The following SCN10A variants were observed in gnomAD, a reference collection of about 807,000 sequenced individuals.
SCN10A encodes sodium voltage-gated channel alpha subunit 10, also known as sodium channel protein type 10 subunit alpha.
In SCN10A, 162 loss-of-function variants were observed where a neutral mutation model predicts 170.7. That is an observed-to-expected ratio of 0.95 (90% CI 0.84 to 1.08). The LOEUF (loss-of-function observed/expected upper bound fraction) is 1.08, where lower values mean the gene tolerates loss of function less well. Among genes scored for constraint, SCN10A ranks in the 50% least tolerant of loss-of-function variants. The probability of loss-of-function intolerance (pLI) is 0.00; values close to 1 mark genes in which losing one functional copy is unlikely to be tolerated. For synonymous variants in SCN10A, 985 were observed against 904.6 expected, an observed-to-expected ratio of 1.09 and a Z score of -1.59; for missense variants, 2,527 against 2,436.9, an observed-to-expected ratio of 1.04 and a Z score of -0.78.
chr3:38,805,489 T>G (rs181666752), intron 1 of SCN10A, among the ~76,000 whole-genome samples: 19 of 152,252 alleles, frequency 1.2e-4, no homozygotes, highest in Admixed American at 1.1e-3. Flanking sequence ...TTAAGAAGAT[T>G]GTCTCCAAGA....
chr3:38,782,770 T>C (rs2064154103), intron 4 of SCN10A, among the ~76,000 whole-genome samples: 1 of 152,138 alleles, frequency 6.6e-6, no homozygotes, highest in African/African-American at 2.4e-5. Flanking sequence ...TTTGCAATGG[T>C]CATTTATTTT....
At position 38,793,848 on chromosome 3, in the gene SCN10A, G is replaced by T. The variant is rs763817509; in HGVS notation, c.163C>A (p.Leu55Met). 3.1e-6 allele frequency: 5 copies of T among 1,614,052 alleles called. No homozygotes were observed. The highest frequency in any genetic ancestry group is 2.2e-5 in the South Asian group (2 of 91,084). ...KDQEEKPRPQ[L>M]DLKACNQLPK... is the part of the protein sequence containing the mutation. The stretch of plus-strand genomic sequence containing the variant: ...AGCTGGTTGCAGGCTTTCAAGTCCA[G>T]CTGGGGCCGAGGCTTCTCTTCTTGG... The change falls in exon 2 of 28, where the codon CTG becomes ATG. Residue 55 changes from leucine (L) to methionine (M), a missense_variant. Coordinates refer to ENST00000449082, the MANE Select transcript of SCN10A (RefSeq NM_006514.4).
At chr3:38,717,125 G>A (rs1474851149) in intron 21 of SCN10A, among the ~76,000 whole-genome samples, 1 of 152,174 alleles carries the variant, frequency 6.6e-6, no homozygotes, top group African/African-American at 2.4e-5. Context: ...ATGATGAATA[G>A]ATGGAAGGAA....
rs139861061 is a variant in SCN10A at position 38,728,741 on chromosome 3, C to T, written c.2441G>A (p.Arg814His). 771 of 1,614,142 alleles carry T rather than the reference C, an allele frequency of 4.8e-4. 1 individual carries two copies. Among genetic ancestry groups the T allele is most frequent in the Non-Finnish European group, 5.8e-4 (687 of 1,180,030 alleles). ...VGKQLLGENY[R>H]NNRKNISAPH... ...CGCGGAGATATTTTTTCGGTTGTTA[C>T]GGTAGTTTTCCCCTAGGAGCTGCTT... is the stretch of plus-strand genomic sequence containing the variant. The change falls in exon 16 of 28, where the codon CGT becomes CAT. Residue 814 changes from arginine (R) to histidine (H), a missense_variant. Coordinates refer to ENST00000449082, the MANE Select transcript of SCN10A (RefSeq NM_006514.4).
At position 38,792,271 on chromosome 3, in the gene SCN10A, A is replaced by G. The variant is rs532080737; in HGVS notation, c.271-103T>C. Reference sequence around the variant, plus strand: ...AGGCATTATCTCAGGCTTATGAGCAAGAAGGGCTCTGGGAACTACAGGTCA... The same window carrying G: ...AGGCATTATCTCAGGCTTATGAGCAGGAAGGGCTCTGGGAACTACAGGTCA... On this transcript the variant is annotated intron_variant, in intron 2 of 27. Transcript: ENST00000449082. 2.5e-4 allele frequency: 367 copies of G among 1,444,496 alleles called. 1 individual carries two copies. Among genetic ancestry groups the G allele is most frequent in the Middle Eastern group, 2.4e-3 (13 of 5,482 alleles). The allele number at this position is 1,444,496 out of a possible 1,614,324, so 89.5% of individuals were successfully genotyped here.
chr3:38,797,226 GT>G (rs1435544058), intron 1 of SCN10A, among the ~76,000 whole-genome samples: 3 of 152,068 alleles, frequency 2.0e-5, no homozygotes, highest in Non-Finnish European at 4.4e-5. Context: ...CAATACCTCT[GT>G]GATATAGACA....
chr3:38,708,382 T>G (rs2063233735), intron 25 of SCN10A, among the ~76,000 whole-genome samples: 2 of 152,118 alleles, frequency 1.3e-5, no homozygotes, highest in Admixed American at 1.3e-4. Flanking sequence ...TTGACCTCAG[T>G]TTTCTCATCT....
At position 38,697,064 on chromosome 3, in the gene SCN10A, A is replaced by G. The variant is rs2063096291; in HGVS notation, c.*285T>C. 2 of 434,712 alleles carry G rather than the reference A, an allele frequency of 4.6e-6. No individual in the cohort carries two copies. Among genetic ancestry groups the G allele is most frequent in the East Asian group, 8.4e-5 (2 of 23,856 alleles). 26.9% of individuals were successfully genotyped at this position (434,712 alleles called of 1,614,324 possible). A position where few individuals can be genotyped will look rare whatever the true frequency, so the allele number is the denominator to read the frequency against. ...TAAATATAATCTGATTACAACAAAA[A>G]TAAAAGGACAAGGGATATTTTCTGG... On this transcript the variant is annotated 3_prime_UTR_variant, in exon 28 of 28. Coordinates refer to ENST00000449082, the MANE Select transcript of SCN10A (RefSeq NM_006514.4).
At chr3:38,802,920 C>A (rs1251967147) in intron 1 of SCN10A, among the ~76,000 whole-genome samples, 2 of 152,194 alleles carry the variant, frequency 1.3e-5, no homozygotes, top group South Asian at 2.1e-4. Context: ...GGCTAATATC[C>A]AGAATCTACA....
At chr3:38,698,682 G>T in intron 27 of SCN10A, 120 bp from the exon 28 acceptor site, 1 of 912,902 alleles carries the variant, frequency 1.1e-6, no homozygotes, top group African/African-American at 1.7e-5. Context: ...CCACATTTGA[G>T]GACTCTGGGC....
At chr3:38,739,462 C>A in intron 15 of SCN10A, 53 bp downstream of exon 15, 1 of 1,543,492 alleles carries the variant, frequency 6.5e-7, no homozygotes, top group Non-Finnish European at 8.9e-7. Context: ...AGCACAGTGT[C>A]TTCCCTGAAT....
intron 1 of SCN10A, among the ~76,000 whole-genome samples, chr3:38,803,888 C>T (rs1401986965): frequency 6.6e-6 from 1 of 152,140 alleles, no homozygotes; most frequent in African/African-American, 2.4e-5. Flanking sequence ...TGAAGTATAG[C>T]TGTCTAATTC....
intron 14 of SCN10A, among the ~76,000 whole-genome samples, chr3:38,741,821 A>T (rs2063635701): frequency 6.6e-6 from 1 of 151,866 alleles, no homozygotes; most frequent in African/African-American, 2.4e-5. Flanking sequence ...TCCCTCCCCA[A>T]CTCTTTTTCT....
intron 1 of SCN10A, among the ~76,000 whole-genome samples, chr3:38,801,988 A>T (rs966686186): frequency 1.3e-5 from 2 of 152,120 alleles, no homozygotes; most frequent in African/African-American, 4.8e-5. Flanking sequence ...ATTGTCTTCC[A>T]TGATCTCATC....
intron 1 of SCN10A, among the ~76,000 whole-genome samples, chr3:38,800,305 A>T (rs2064363648): frequency 6.6e-6 from 1 of 152,192 alleles, no homozygotes; most frequent in Admixed American, 6.5e-5. Context: ...ACAGGGGAGA[A>T]TTGGACTAAG....
chr3:38,726,954 G>A lies in SCN10A; in HGVS notation c.2739C>T (p.Ala913=), dbSNP rs2063463582. ...DDGEVNNLQV[A]LARIQVFGHR... The stretch of plus-strand genomic sequence containing the variant: ...GGCCAAAGACCTGGATCCGTGCCAG[G>A]GCCACCTGCAGGTTGTTCACCTCCC... The change falls in exon 17 of 28, where the codon GCC becomes GCT. Residue 913 remains alanine (A), a synonymous_variant. Transcript: ENST00000449082. 3.1e-6 allele frequency: 5 copies of A among 1,614,242 alleles called. No homozygotes were observed. Among genetic ancestry groups the A allele is most frequent in the Non-Finnish European group, 4.2e-6 (5 of 1,180,032 alleles).
Position 38,697,855 on chromosome 3 carries a change from C to T in SCN10A, c.5365G>A (p.Asp1789Asn), listed in dbSNP as rs375735101. Reference sequence around the variant, plus strand: ...TTATCTCCAGGGACCAAAGGCAGGTCCATCTGGATCAGTATATTTCGATTG... The same window carrying T: ...TTATCTCCAGGGACCAAAGGCAGGTTCATCTGGATCAGTATATTTCGATTG... ...KPNRNILIQMDLPLVPGDKIH... is the reference protein window; with the variant it reads ...KPNRNILIQMNLPLVPGDKIH... Residue 1789 changes from aspartate (D) to asparagine (N), a missense_variant, in exon 28 of 28, where the codon GAC (aspartate) becomes AAC (asparagine). Physicochemically the swap from Asp to Asn is conservative, Grantham distance 23. Coordinates refer to ENST00000449082, the MANE Select transcript of SCN10A (RefSeq NM_006514.4). The T allele has an allele frequency of 2.0e-5, 33 of 1,614,104 alleles. No homozygotes were observed. The African/African-American group carries it at 3.7e-4, about 18-fold the overall frequency.
At position 38,712,391 on chromosome 3, in the gene SCN10A, C is replaced by A. The variant is rs145032037; in HGVS notation, c.3859G>T (p.Val1287Phe). 8 of 1,614,050 alleles carry A rather than the reference C, an allele frequency of 5.0e-6. No individual in the cohort carries two copies. In the Admixed American group the frequency reaches 1.0e-4, roughly 20 times the overall value. Residue 1287 changes from valine (V) to phenylalanine (F), a missense_variant, in exon 23 of 28, where the codon GTC becomes TTC. Coordinates refer to ENST00000449082, the MANE Select transcript of SCN10A (RefSeq NM_006514.4). ...AIPSIMNVLL[V>F]CLIFWLIFSI... ...AAGATGAGCCAGAAGATGAGGCAGA[C>A]GAGGAGGACATTCATGATGGATGGG... is the stretch of plus-strand genomic sequence containing the variant.
chr3:38,792,021 C>T (rs778532226), intron 3 of SCN10A, 29 bp downstream of exon 3: 10 of 1,611,396 alleles, frequency 6.2e-6, no homozygotes, highest in East Asian at 4.5e-5. Context: ...AATTGTAACA[C>T]GTGGAAGAGG....
Sources: gnomAD v4.1 joint callset for allele counts (sites outside exome capture counted in the v4.1 genomes callset) on GRCh38, gnomAD v4.1.1 for gene constraint, MANE v1.5 for transcripts, NCBI Gene and HGNC (gene_info 2026-07-23, HGNC 2026-07-21) for gene names.